PIBF1: variants seen among roughly 807,000 people sequenced by gnomAD.
PIBF1 encodes progesterone-induced-blocking factor 1.
Under a neutral mutation model 112.5 loss-of-function variants are expected in PIBF1, and 90 were observed. The ratio of observed to expected loss-of-function variants is 0.80; its 90% CI spans 0.67 to 0.95. The LOEUF is 0.95. Ranked by LOEUF, PIBF1 falls within the 40% of genes least tolerant of loss-of-function variation. The pLI, the probability that PIBF1 is intolerant of heterozygous loss-of-function variation, is 0.00. For missense variants in PIBF1, 915 were observed against 852.3 expected, an observed-to-expected ratio of 1.07 and a Z score of -0.92; for synonymous variants, 301 against 288.6, an observed-to-expected ratio of 1.04 and a Z score of -0.44.
intron 9 of PIBF1, 57 bp from the exon 10 acceptor site, chr13:72,854,000 A>C: frequency 7.8e-7 from 1 of 1,279,010 alleles, no homozygotes; most frequent in Non-Finnish European, 1.1e-6. Context: ...CATCTTTAAG[A>C]AAGAACATAG....
At chr13:73,011,500 G>A (rs1220119000) in intron 17 of PIBF1, among the ~76,000 whole-genome samples, 1 of 152,150 alleles carries the variant, frequency 6.6e-6, no homozygotes, top group Non-Finnish European at 1.5e-5. Flanking sequence ...TTCAGGAGAA[G>A]CTATTTTAAC....
intron 10 of PIBF1, among the ~76,000 whole-genome samples, chr13:72,854,362 A>G (rs1392466180): frequency 2.6e-5 from 4 of 152,218 alleles, no homozygotes; most frequent in Non-Finnish European, 5.9e-5. Context: ...TTTTTACAAT[A>G]TACAATTATT....
chr13:72,851,127 C>T (rs1015520623), intron 9 of PIBF1, among the ~76,000 whole-genome samples: 1 of 152,156 alleles, frequency 6.6e-6, no homozygotes, highest in African/African-American at 2.4e-5. Context: ...GAGGCGCGTC[C>T]AGGGCTGCAT....
chr13:72,810,618 T>C (rs1368679282), intron 5 of PIBF1, among the ~76,000 whole-genome samples: 1 of 152,214 alleles, frequency 6.6e-6, no homozygotes, highest in African/African-American at 2.4e-5. Context: ...GAGTGTTAAC[T>C]GTTTTCTGAG....
At chr13:72,844,774 C>CTGTTT (rs1412208210) in intron 9 of PIBF1, among the ~76,000 whole-genome samples, 7 of 133,610 alleles carry the variant, frequency 5.2e-5, no homozygotes, top group Admixed American at 1.5e-4. Context: ...CACACACACA[C>CTGTTT]ACACACACAC....
At chr13:73,004,074 A>G (rs2043956080) in intron 17 of PIBF1, among the ~76,000 whole-genome samples, 1 of 152,158 alleles carries the variant, frequency 6.6e-6, no homozygotes, top group African/African-American at 2.4e-5. Context: ...AAGAATAGAC[A>G]CTGTGGTTTT....
At chr13:72,916,513 G>A (rs943060078) in intron 12 of PIBF1, among the ~76,000 whole-genome samples, 3 of 151,540 alleles carry the variant, frequency 2.0e-5, no homozygotes, top group Admixed American at 2.0e-4. Context: ...GGGAAGTAGT[G>A]TGACAATAGC....
intron 17 of PIBF1, among the ~76,000 whole-genome samples, chr13:73,008,966 C>T (rs972091022): frequency 6.6e-6 from 1 of 152,164 alleles, no homozygotes; most frequent in African/African-American, 2.4e-5. Context: ...ATTGTTCAGT[C>T]TCTCACATAC....
At chr13:72,839,192 A>G (rs1354634246) in intron 9 of PIBF1, among the ~76,000 whole-genome samples, 1 of 152,180 alleles carries the variant, frequency 6.6e-6, no homozygotes, top group Admixed American at 6.5e-5. Context: ...ATGAGAGGTG[A>G]TAATGGAACT....
rs1188012599 is a variant in PIBF1, at chr13:72,931,192, A to G, written c.1758A>G (p.Gln586=). 3 of 1,612,750 alleles carry G rather than the reference A, an allele frequency of 1.9e-6. No homozygotes were observed. Among genetic ancestry groups the G allele is most frequent in the Non-Finnish European group, 2.5e-6 (3 of 1,179,180 alleles). The change falls in exon 14 of 18, where the codon CAA becomes CAG. Residue 586 remains glutamine, a synonymous_variant. Transcript: ENST00000326291. The part of the protein sequence containing the change: ...QSVHLARRVL[Q]LEKQNSLILK... ...TTCACTTGGCAAGAAGAGTGCTTCA[A>G]TTAGAAAAACAAAACTCGCTGATTT...
At chr13:72,937,814 C>CA (rs1049600494) in intron 14 of PIBF1, among the ~76,000 whole-genome samples, 11 of 148,412 alleles carry the variant, frequency 7.4e-5, no homozygotes, top group East Asian at 2.0e-4. Context: ...AACTCCATCT[C>CA]AAAAAAAAAT....
chr13:73,014,830 T>C (rs1053561169), intron 17 of PIBF1, among the ~76,000 whole-genome samples: 2 of 152,102 alleles, frequency 1.3e-5, no homozygotes, highest in Admixed American at 1.3e-4. Flanking sequence ...GCTCTGTCAC[T>C]CAGACTGGAG....
chr13:72,927,241 CACGCCTGT>C (rs1273902164), intron 13 of PIBF1, among the ~76,000 whole-genome samples: 1 of 151,990 alleles, frequency 6.6e-6, no homozygotes, highest in Non-Finnish European at 1.5e-5. Context: ...CGTGGTGGCT[CACGCCTGT>C]AATCCCAGCA....
At chr13:72,842,279 T>C (rs982099245) in intron 9 of PIBF1, among the ~76,000 whole-genome samples, 1 of 152,210 alleles carries the variant, frequency 6.6e-6, no homozygotes, top group African/African-American at 2.4e-5. Context: ...TTCTGAGTGG[T>C]GCTCTACAAA....
At chr13:72,881,587 G>A (rs1352558581) in intron 10 of PIBF1, among the ~76,000 whole-genome samples, 1 of 151,784 alleles carries the variant, frequency 6.6e-6, no homozygotes, top group Non-Finnish European at 1.5e-5. Flanking sequence ...GTGGTGGTGT[G>A]CACCTGTAAT....
chr13:72,901,196 A>C (rs566236419), intron 11 of PIBF1: 2 of 279,246 alleles, frequency 7.2e-6, no homozygotes, highest in Non-Finnish European at 1.5e-5. Flanking sequence ...CGGAATCTAC[A>C]GTGAACTCAA....
intron 13 of PIBF1, among the ~76,000 whole-genome samples, chr13:72,929,857 T>TTTA (rs899892724): frequency 1.3e-5 from 2 of 151,970 alleles, no homozygotes; most frequent in African/African-American, 2.4e-5. Flanking sequence ...TTTAACACTA[T>TTTA]TTATTATTAT....
At chr13:72,966,968 C>G (rs1011953313) in intron 15 of PIBF1, among the ~76,000 whole-genome samples, 1 of 149,458 alleles carries the variant, frequency 6.7e-6, no homozygotes, top group African/African-American at 2.5e-5. Flanking sequence ...AACGGAGTCT[C>G]ACTGTCACCC....
chr13:73,002,528 A>G (rs2043903395), intron 17 of PIBF1, among the ~76,000 whole-genome samples: 1 of 152,194 alleles, frequency 6.6e-6, no homozygotes, highest in Non-Finnish European at 1.5e-5. Flanking sequence ...CTTCCTGAGC[A>G]GTATGGGACT....
Sources: gnomAD v4.1 joint callset for allele counts (sites outside exome capture counted in the v4.1 genomes callset) on GRCh38, gnomAD v4.1.1 for gene constraint, MANE v1.5 for transcripts, NCBI Gene and HGNC (gene_info 2026-07-23, HGNC 2026-07-21) for gene names.